CAST: variants seen among roughly 807,000 people sequenced by gnomAD.
CAST encodes the protein MIR583 host.
Under a neutral mutation model 119.6 loss-of-function variants are expected in CAST, and 76 were observed. That is an observed-to-expected ratio of 0.64 (90% CI 0.53 to 0.77). The LOEUF (loss-of-function observed/expected upper bound fraction) is 0.77, where lower values mean the gene tolerates loss of function less well. Among genes scored for constraint, CAST ranks in the 30% least tolerant of loss-of-function variants. The pLI, the probability that CAST is intolerant of heterozygous loss-of-function variation, is 0.00. For missense variants in CAST, 953 were observed against 946.5 expected (o/e 1.01, Z -0.09); for synonymous variants, 319 against 331.6 (o/e 0.96, Z 0.41).
the CAST span, among the ~76,000 whole-genome samples, chr5:96,068,593 ATGTGTGTG>A: frequency 2.1e-3 from 292 of 142,260 alleles, 2 homozygotes; most frequent in African/African-American, 6.6e-3. Flanking sequence ...CAATAGGATT[ATGTGTGTG>A]TGTGTGTGTG....
chr5:96,667,785 C>T (rs929861941), intron 1 of CAST, among the ~76,000 whole-genome samples: 2 of 152,102 alleles, frequency 1.3e-5, no homozygotes, highest in Admixed American at 6.5e-5. Flanking sequence ...GAGGCTGAGG[C>T]GGATGGATCA....
chr5:96,104,077 G>A, the CAST span, among the ~76,000 whole-genome samples: 1 of 151,960 alleles, frequency 6.6e-6, no homozygotes, highest in African/African-American at 2.4e-5. Flanking sequence ...TTTTTGATGG[G>A]GTTGTTTGTT....
intron 1 of CAST, among the ~76,000 whole-genome samples, chr5:96,611,030 C>T (rs1466913691): frequency 2.6e-5 from 4 of 152,130 alleles, no homozygotes; most frequent in Non-Finnish European, 5.9e-5. Context: ...TCATAAATGA[C>T]ACAAACATGG....
chr5:96,346,735 T>C, the CAST span, among the ~76,000 whole-genome samples: 2 of 152,112 alleles, frequency 1.3e-5, no homozygotes, highest in Non-Finnish European at 2.9e-5. Flanking sequence ...CTATACAGTA[T>C]GTGGGAATTG....
chr5:96,472,067 G>C, the CAST span, among the ~76,000 whole-genome samples: 1 of 152,094 alleles, frequency 6.6e-6, no homozygotes, highest in Non-Finnish European at 1.5e-5. Context: ...ACTCTACCTG[G>C]ACTTCAGCAG....
chr5:96,010,873 G>A, the CAST span, among the ~76,000 whole-genome samples: 2 of 152,132 alleles, frequency 1.3e-5, no homozygotes, highest in Non-Finnish European at 2.9e-5. Flanking sequence ...ATTGTAAATG[G>A]GATTGTGTTC....
intron 1 of CAST, among the ~76,000 whole-genome samples, chr5:96,590,776 A>T (rs1157595263): frequency 6.6e-6 from 1 of 152,214 alleles, no homozygotes; most frequent in African/African-American, 2.4e-5. Context: ...CTGCACAACA[A>T]CTAAACAATG....
chr5:96,736,259 CCTT>C lies in CAST; in HGVS notation c.699+22_699+24del. The C allele has an allele frequency of 6.5e-7, 1 of 1,532,310 alleles. No homozygotes were observed. The highest frequency in any genetic ancestry group is 9.0e-7 in the Non-Finnish European group (1 of 1,108,046). 94.9% of individuals were successfully genotyped at this position (1,532,310 alleles called of 1,614,324 possible). A position where few individuals can be genotyped will look rare whatever the true frequency, so the allele number is the denominator to read the frequency against. On this transcript the variant is annotated intron_variant, in intron 10 of 31. Coordinates refer to ENST00000675179, the MANE Select transcript of CAST (RefSeq NM_001750.7). ...GGGAAAGGTATGAAGACAACAGTGT[CCTT>C]CTACATGAGACAGTTACTCATATGC...
At chr5:96,305,489 T>C in the CAST span, among the ~76,000 whole-genome samples, 2 of 152,322 alleles carry the variant, frequency 1.3e-5, no homozygotes, top group East Asian at 1.9e-4. Context: ...TCCAACGCTA[T>C]GTTGAATAGG....
intron 29 of CAST, 24 bp downstream of exon 29, chr5:96,768,023 C>T: frequency 2.1e-6 from 3 of 1,443,084 alleles, no homozygotes; most frequent in Admixed American, 3.4e-5. Context: ...TCACATTTCA[C>T]TCTTTGAAAT....
At chr5:96,704,332 C>T (rs916319726) in intron 3 of CAST, among the ~76,000 whole-genome samples, 1 of 152,166 alleles carries the variant, frequency 6.6e-6, no homozygotes, top group Non-Finnish European at 1.5e-5. Flanking sequence ...TGATTATTCT[C>T]TGGCAGAATT....
At chr5:96,158,960 A>C in the CAST span, among the ~76,000 whole-genome samples, 1 of 152,304 alleles carries the variant, frequency 6.6e-6, no homozygotes, top group Non-Finnish European at 1.5e-5. Context: ...ACTTAGCAAC[A>C]CTAGTGATAT....
At chr5:96,057,610 C>T in the CAST span, among the ~76,000 whole-genome samples, 2 of 152,122 alleles carry the variant, frequency 1.3e-5, no homozygotes, top group African/African-American at 2.4e-5. Flanking sequence ...GAACTGAATA[C>T]CTCTCCAGAT....
chr5:96,206,277 T>C, the CAST span, among the ~76,000 whole-genome samples: 1 of 152,092 alleles, frequency 6.6e-6, no homozygotes, highest in Non-Finnish European at 1.5e-5. Flanking sequence ...GTTGATAGTG[T>C]CTTTTGCTGT....
the CAST span, among the ~76,000 whole-genome samples, chr5:96,311,049 T>C: frequency 8.5e-5 from 13 of 152,070 alleles, no homozygotes; most frequent in Admixed American, 7.9e-4. Flanking sequence ...TCTTCTTTTA[T>C]GATGTAGGCA....
the CAST span, among the ~76,000 whole-genome samples, chr5:96,185,451 A>G: frequency 2.6e-5 from 4 of 152,260 alleles, no homozygotes; most frequent in African/African-American, 4.8e-5. Context: ...GATATTGCCT[A>G]GATTTTCTTC....
the CAST span, among the ~76,000 whole-genome samples, chr5:96,269,867 T>C: frequency 3.9e-5 from 6 of 152,088 alleles, no homozygotes; most frequent in Non-Finnish European, 8.8e-5. Flanking sequence ...TTTAAAAAAA[T>C]TGAGAAGGAG....
chr5:96,510,767 C>A, the CAST span, among the ~76,000 whole-genome samples: 1 of 152,154 alleles, frequency 6.6e-6, no homozygotes, highest in Non-Finnish European at 1.5e-5. Context: ...TTTTGACATG[C>A]ACACTGACGT....
chr5:95,973,723 A>G, the CAST span, among the ~76,000 whole-genome samples: 1 of 152,168 alleles, frequency 6.6e-6, no homozygotes, highest in South Asian at 2.1e-4. Context: ...TGTCATGATT[A>G]TTGTAGCTTT....
Sources: gnomAD v4.1 joint callset for allele counts (sites outside exome capture counted in the v4.1 genomes callset) on GRCh38, gnomAD v4.1.1 for gene constraint, MANE v1.5 for transcripts, NCBI Gene and HGNC (gene_info 2026-07-23, HGNC 2026-07-21) for gene names.